Variants in MITF observed in about 807,000 individuals in gnomAD.
MITF encodes the protein microphthalmia-associated transcription factor.
Under a neutral mutation model 60.5 loss-of-function variants are expected in MITF, and 17 were observed. The ratio of observed to expected loss-of-function variants is 0.28; its 90% confidence interval spans 0.19 to 0.42. The LOEUF (loss-of-function observed/expected upper bound fraction) is 0.42, where lower values mean the gene tolerates loss of function less well. Among genes scored for constraint, MITF ranks in the 10% least tolerant of loss-of-function variants. The pLI is 1.00. For synonymous variants in MITF, 260 were observed against 248.5 expected, an observed-to-expected ratio of 1.05 and a Z score of -0.43; for missense variants, 622 against 683.5, an observed-to-expected ratio of 0.91 and a Z score of 1.00.
chr3:69,832,951 G>A (rs2063474616), intron 1 of MITF, among the ~76,000 whole-genome samples: 2 of 151,330 alleles, frequency 1.3e-5, no homozygotes, highest in South Asian at 4.4e-4. Context: ...GTATGTAGTT[G>A]TTTCTCTGTT....
At chr3:69,918,557 C>G (rs2065390779) in intron 2 of MITF, among the ~76,000 whole-genome samples, 1 of 152,134 alleles carries the variant, frequency 6.6e-6, no homozygotes, top group Non-Finnish European at 1.5e-5. Context: ...AGCCACGATG[C>G]ATCCTGCATA....
At chr3:69,886,556 A>G (rs1217217656) in intron 2 of MITF, among the ~76,000 whole-genome samples, 1 of 152,096 alleles carries the variant, frequency 6.6e-6, no homozygotes, top group Non-Finnish European at 1.5e-5. Context: ...ATCACCAGTA[A>G]CAGAATATAT....
Position 69,801,461 on chromosome 3 carries a change from G to A in MITF, c.104+61760G>A, listed in dbSNP as rs534541764. The stretch of plus-strand genomic sequence containing the variant: ...GGTCACCATCATCACCTAGAAATGC[G>A]TAATGAATACTTTATTTGTGGTCTC... On this transcript the variant is annotated intron_variant, in intron 1 of 9. Transcript: ENST00000352241. Among the ~76,000 whole-genome samples the A allele has an allele frequency of 4.6e-5, 7 of 152,226 alleles. No homozygotes were observed. In the East Asian group the frequency reaches 9.7e-4, roughly 21 times the overall value.
At position 69,952,498 on chromosome 3, in the gene MITF, G is replaced by A. The variant is rs183723418; in HGVS notation, c.955+612G>A. 3.4e-4 allele frequency among the ~76,000 whole-genome samples: 52 copies of A among 152,152 alleles called. 1 individual carries two copies. The highest frequency in any genetic ancestry group is 3.1e-3 in the Admixed American group (48 of 15,280). On this transcript the variant is annotated intron_variant, in intron 7 of 9. Transcript: ENST00000352241. ...CAAGTTGCACAGATTTTTTTAAAAA[G>A]GGATTGGGCTTGGAGGTAGGAAATT...
intron 1 of MITF, among the ~76,000 whole-genome samples, chr3:69,813,277 T>C (rs1247144846): frequency 6.6e-6 from 1 of 152,198 alleles, no homozygotes; most frequent in Non-Finnish European, 1.5e-5. Flanking sequence ...GATCTGTCAG[T>C]AGGTTGAATG....
At chr3:69,948,217 G>A (rs904895464) in intron 5 of MITF, among the ~76,000 whole-genome samples, 3 of 152,034 alleles carry the variant, frequency 2.0e-5, no homozygotes, top group Non-Finnish European at 4.4e-5. Flanking sequence ...GTATTTCAGG[G>A]CATGGGAAGG....
chr3:69,794,144 A>G (rs2062789968), intron 1 of MITF, among the ~76,000 whole-genome samples: 1 of 152,162 alleles, frequency 6.6e-6, no homozygotes, highest in Non-Finnish European at 1.5e-5. Flanking sequence ...GCCTTGAGCA[A>G]AATAGCCCCA....
intron 1 of MITF, among the ~76,000 whole-genome samples, chr3:69,748,516 C>T (rs747164036): frequency 4.6e-5 from 7 of 152,338 alleles, no homozygotes; most frequent in South Asian, 2.1e-4. Flanking sequence ...GCAAGGATTA[C>T]AGGCATGAGC....
At chr3:69,844,978 A>G (rs2063705237) in intron 1 of MITF, among the ~76,000 whole-genome samples, 3 of 152,012 alleles carry the variant, frequency 2.0e-5, no homozygotes, top group Admixed American at 2.0e-4. Context: ...ACTTTTTTTA[A>G]TTTTACCTGC....
chr3:69,807,217 G>A (rs2063024483), intron 1 of MITF, among the ~76,000 whole-genome samples: 1 of 152,118 alleles, frequency 6.6e-6, no homozygotes, highest in African/African-American at 2.4e-5. Context: ...AATTCCTGTG[G>A]TACATTATAG....
intron 2 of MITF, among the ~76,000 whole-genome samples, chr3:69,933,353 A>G (rs569588879): frequency 1.3e-5 from 2 of 152,254 alleles, no homozygotes; most frequent in Admixed American, 1.3e-4. Context: ...CCAAGATGGT[A>G]GTATCTATAG....
rs2066485516 is a variant in MITF at position 69,959,402 on chromosome 3, T to G, written c.1161T>G (p.His387Gln). 3 of 1,613,806 alleles carry G rather than the reference T, an allele frequency of 1.9e-6. No homozygotes were observed. Among genetic ancestry groups the G allele is most frequent in the Non-Finnish European group, 2.5e-6 (3 of 1,179,862 alleles). ...RQKKLEHANRHLLLRIQELEM... is the reference protein window; with the variant it reads ...RQKKLEHANRQLLLRIQELEM... ...AGAAACTGGAGCACGCCAACCGGCA[T>G]TTGTTGCTCAGAATACAGGTACGCA... is the stretch of plus-strand genomic sequence containing the variant. Residue 387 changes from histidine to glutamine, a missense_variant, in exon 9 of 10, where the codon CAT becomes CAG. Physicochemically the swap from His to Gln is conservative, Grantham distance 24. This residue lies in a region of MITF where 224 missense variants were observed against 209.5 expected (regional missense o/e 1.07). Coordinates refer to ENST00000352241, the MANE Select transcript of MITF (RefSeq NM_001354604.2).
intron 1 of MITF, among the ~76,000 whole-genome samples, chr3:69,799,341 G>T (rs2062880226): frequency 6.6e-6 from 1 of 152,202 alleles, no homozygotes; most frequent in Admixed American, 6.5e-5. Context: ...GCAGGAAATA[G>T]TTGTGGAGTG....
rs886058810 is a variant in MITF, at chr3:69,965,653, GAA to G, written c.*415_*416del. 8 of 193,922 alleles carry G rather than the reference GAA, an allele frequency of 4.1e-5. No individual in the cohort carries two copies. The highest frequency in any genetic ancestry group is 1.7e-4 in the South Asian group (1 of 5,726). The allele number at this position is 193,922 out of a possible 1,614,324, so 12.0% of individuals were successfully genotyped here. ...TGAAAGAATGTAAAGCAACCAAAAA[GAA>G]AAAAAAAAAGAAAGAAAGAGGAAAA... On this transcript the variant is annotated 3_prime_UTR_variant, in exon 10 of 10. Coordinates refer to ENST00000352241, the MANE Select transcript of MITF (RefSeq NM_001354604.2).
chr3:69,956,604 T>A (rs896541272), intron 8 of MITF, 74 bp downstream of exon 8: 1 of 1,299,952 alleles, frequency 7.7e-7, no homozygotes, highest in Non-Finnish European at 1.1e-6. Flanking sequence ...TTGTAAAAAA[T>A]GCAGTTGTAA....
In MITF at chr3:69,760,025, G is replaced by A. The variant is rs562709353; in HGVS notation, c.104+20324G>A. Reference sequence around the variant, plus strand: ...GATCTCCTGACCTCGTGATCCACCCGCCTTGGCATCACAAAGTGCTGGGAT... The same window carrying A: ...GATCTCCTGACCTCGTGATCCACCCACCTTGGCATCACAAAGTGCTGGGAT... On this transcript the variant is annotated intron_variant, in intron 1 of 9. Transcript: ENST00000352241. Among the ~76,000 whole-genome samples the A allele has an allele frequency of 1.5e-4, 23 of 152,290 alleles. No homozygotes were observed. In the South Asian group the frequency reaches 3.5e-3, roughly 23 times the overall value.
chr3:69,959,234 A>G lies in MITF; in HGVS notation c.1032-39A>G, dbSNP rs549112802. 8 of 1,612,112 alleles carry G rather than the reference A, an allele frequency of 5.0e-6. No individual in the cohort carries two copies. The South Asian group carries it at 6.6e-5, about 13-fold the overall frequency. On this transcript the variant is annotated intron_variant, in intron 8 of 9. Transcript: ENST00000352241. ...AATATTGAATTTTCATTGAGCCTCA[A>G]ATCCTAAAAATATCTGTTTTCCTCC...
chr3:69,913,380 T>A (rs2065264708), intron 2 of MITF, among the ~76,000 whole-genome samples: 1 of 152,164 alleles, frequency 6.6e-6, no homozygotes, highest in South Asian at 2.1e-4. Flanking sequence ...CCTAAAGATA[T>A]GAAGGAAGCA....
At chr3:69,896,103 A>C (rs2064870908) in intron 2 of MITF, among the ~76,000 whole-genome samples, 1 of 152,086 alleles carries the variant, frequency 6.6e-6, no homozygotes, top group Non-Finnish European at 1.5e-5. Context: ...CATCTGTTGC[A>C]CTGTGTTTCT....
Sources: gnomAD v4.1 joint callset for allele counts (sites outside exome capture counted in the v4.1 genomes callset) on GRCh38, gnomAD v4.1.1 for gene constraint, gnomAD v4.1.1 regional missense constraint, MANE v1.5 for transcripts, NCBI Gene and HGNC (gene_info 2026-07-23, HGNC 2026-07-21) for gene names.